OR4F6: variants seen among roughly 807,000 people sequenced by gnomAD.
The protein encoded by OR4F6 is olfactory receptor family 4 subfamily F member 6, also known as olfactory receptor 4F6.
A neutral mutation model predicts 15.9 loss-of-function variants in OR4F6; 13 were observed. The ratio of observed to expected loss-of-function variants is 0.82; its 90% confidence interval spans 0.53 to 1.30. The LOEUF is 1.30. OR4F6 is among the 50% of genes most tolerant of loss of function. The probability of loss-of-function intolerance (pLI) is 0.00; values close to 1 mark genes in which losing one functional copy is unlikely to be tolerated. For synonymous variants in OR4F6, 150 were observed against 133.8 expected, an observed-to-expected ratio of 1.12 and a Z score of -0.83; for missense variants, 426 against 367.2, an observed-to-expected ratio of 1.16 and a Z score of -1.31.
intron 1 of OR4F6, among the ~76,000 whole-genome samples, 181 bp from the exon 2 acceptor site, chr15:101,805,506 G>A (rs769476927): frequency 9.9e-5 from 15 of 152,078 alleles, no homozygotes; most frequent in South Asian, 2.1e-4. Flanking sequence ...TCTGTGCAAC[G>A]TATTTTCTGG....
chr15:101,806,462 T>C lies in OR4F6; in HGVS notation c.743T>C (p.Val248Ala). Residue 248 changes from valine to alanine, a missense_variant, in exon 2 of 2, where the codon GTT becomes GCT. Transcript: ENST00000328882. Reference protein sequence around the residue: ...SMLSAHVIVVVLVFGPLIFFY... With the variant: ...SMLSAHVIVVALVFGPLIFFY... ...CTGTCAGCTCATGTCATTGTGGTGG[T>C]TTTGGTCTTTGGGCCATTAATCTTT... 9 of 1,613,686 alleles carry C rather than the reference T, an allele frequency of 5.6e-6. No individual in the cohort carries two copies. Among genetic ancestry groups the C allele is most frequent in the Non-Finnish European group, 7.6e-6 (9 of 1,179,880 alleles).
intron 1 of OR4F6, among the ~76,000 whole-genome samples, chr15:101,805,302 G>C (rs150186519): frequency 3.9e-4 from 59 of 152,242 alleles, no homozygotes; most frequent in Non-Finnish European, 5.7e-4. Flanking sequence ...GTATCAAAGA[G>C]GACTTCATGG....
In OR4F6 at chr15:101,805,897, T is replaced by C. The variant is rs1345999155; in HGVS notation, c.178T>C (p.Tyr60His). The change falls in exon 2 of 2, where the codon TAC becomes CAC. Residue 60 changes from tyrosine to histidine, a missense_variant. By Grantham distance (83) the Tyr-to-His change is moderately conservative. Transcript: ENST00000328882. ...TSDPRLQSPM[Y>H]FLLANLSIIN... ...TGACCCTCGTTTACAGTCCCCCATG[T>C]ACTTCCTGCTGGCCAACCTTTCCAT... The C allele has an allele frequency of 4.3e-6, 7 of 1,614,178 alleles. No individual in the cohort carries two copies. The highest frequency in any genetic ancestry group is 3.3e-5 in the Admixed American group (2 of 60,018).
rs1184466605 is a variant in OR4F6, at chr15:101,806,742, G to C, written c.*84G>C. ...AAGTAAGCTATGTTAAATTTAACCA[G>C]AATATCACTTTCTACTAGTATGTAT... On this transcript the variant is annotated 3_prime_UTR_variant, in exon 2 of 2. Transcript: ENST00000328882. The C allele has an allele frequency of 4.1e-5, 32 of 780,274 alleles. No homozygotes were observed. Among genetic ancestry groups the C allele is most frequent in the Non-Finnish European group, 5.4e-5 (27 of 499,382 alleles). 48.3% of individuals were successfully genotyped at this position (780,274 alleles called of 1,614,324 possible). A position where few individuals can be genotyped will look rare whatever the true frequency, so the allele number is the denominator to read the frequency against.
At position 101,806,772 on chromosome 15, in the gene OR4F6, T is replaced by C. The variant is rs1902816961; in HGVS notation, c.*114T>C. On this transcript the variant is annotated 3_prime_UTR_variant, in exon 2 of 2. Coordinates refer to ENST00000328882, the MANE Select transcript of OR4F6 (RefSeq NM_001005326.2). ...TCACTTTCTACTAGTATGTATTGTGTTGTCTTTTTTTTCTTCCCAAATTGA... is the reference window on the plus strand; with the variant it reads ...TCACTTTCTACTAGTATGTATTGTGCTGTCTTTTTTTTCTTCCCAAATTGA... 1.7e-6 allele frequency: 1 copy of C among 591,384 alleles called. No homozygotes were observed. Among genetic ancestry groups the C allele is most frequent in the Non-Finnish European group, 2.8e-6 (1 of 357,300 alleles). 36.6% of individuals were successfully genotyped at this position (591,384 alleles called of 1,614,324 possible). A position where few individuals can be genotyped will look rare whatever the true frequency, so the allele number is the denominator to read the frequency against.
At position 101,806,792 on chromosome 15, in the gene OR4F6, A is replaced by G; in HGVS notation, c.*134A>G. On this transcript the variant is annotated 3_prime_UTR_variant, in exon 2 of 2. Coordinates refer to ENST00000328882, the MANE Select transcript of OR4F6 (RefSeq NM_001005326.2). Reference sequence around the variant, plus strand: ...TTGTGTTGTCTTTTTTTTCTTCCCAAATTGAATTGTGGTATCAATCTCTTG... The same window carrying G: ...TTGTGTTGTCTTTTTTTTCTTCCCAGATTGAATTGTGGTATCAATCTCTTG... 1 of 537,538 alleles carries G rather than the reference A, an allele frequency of 1.9e-6. No individual in the cohort carries two copies. The highest frequency in any genetic ancestry group is 3.2e-6 in the Non-Finnish European group (1 of 315,558). 33.3% of individuals were successfully genotyped at this position (537,538 alleles called of 1,614,324 possible). A position where few individuals can be genotyped will look rare whatever the true frequency, so the allele number is the denominator to read the frequency against.
chr15:101,806,516 A>G lies in OR4F6; in HGVS notation c.797A>G (p.His266Arg), dbSNP rs1221601363. The change falls in exon 2 of 2, where the codon CAT becomes CGT. Residue 266 changes from histidine to arginine, a missense_variant. Coordinates refer to ENST00000328882, the MANE Select transcript of OR4F6 (RefSeq NM_001005326.2). ...TATATTTTTCCATTTCCCACATCAC[A>G]TCTTGATAAATTCCTTGCCATCTTT... ...FFYIFPFPTS[H>R]LDKFLAIFDA... 8 of 1,613,892 alleles carry G rather than the reference A, an allele frequency of 5.0e-6. No individual in the cohort carries two copies. The highest frequency in any genetic ancestry group is 6.8e-6 in the Non-Finnish European group (8 of 1,179,984).
Position 101,806,619 on chromosome 15 carries a change from A to G in OR4F6, c.900A>G (p.Arg300=), listed in dbSNP as rs1902813823. 1 of 1,595,200 alleles carries G rather than the reference A, an allele frequency of 6.3e-7. No individual in the cohort carries two copies. The change falls in exon 2 of 2, where the codon AGA becomes AGG. Residue 300 remains arginine (R), a synonymous_variant. Transcript: ENST00000328882. ...AAGAGATGATGGTGGCAATGAGAAG[A>G]CGATGCTCTCAGTTTGTGAATTACA... The part of the protein sequence containing the change: ...RNKEMMVAMR[R]RCSQFVNYSK...
chr15:101,805,212 A>G (rs1048764634), intron 1 of OR4F6, among the ~76,000 whole-genome samples: 2 of 152,242 alleles, frequency 1.3e-5, no homozygotes, highest in African/African-American at 4.8e-5. Context: ...CACTATTAAC[A>G]CTATTAGTAT....
Position 101,806,620 on chromosome 15 carries a change from C to T in OR4F6, c.901C>T (p.Arg301Ter), listed in dbSNP as rs763454091. ...AGAGATGATGGTGGCAATGAGAAGA[C>T]GATGCTCTCAGTTTGTGAATTACAG... Reference protein sequence around the residue: ...NKEMMVAMRRRCSQFVNYSKI... With the variant: ...NKEMMVAMRR The change falls in exon 2 of 2, where the codon CGA becomes TGA. Residue 301 changes from arginine to a stop codon, truncating the protein, a stop_gained. Transcript: ENST00000328882. LOFTEE classifies it high-confidence loss of function. 2.6e-5 allele frequency: 42 copies of T among 1,592,902 alleles called. No homozygotes were observed. The highest frequency in any genetic ancestry group is 1.8e-4 in the East Asian group (8 of 44,728).
In OR4F6 at chr15:101,806,642, A is replaced by T; in HGVS notation, c.923A>T (p.Tyr308Phe). The T allele has an allele frequency of 6.4e-7, 1 of 1,572,928 alleles. No homozygotes were observed. The highest frequency in any genetic ancestry group is 2.2e-5 in the East Asian group (1 of 44,492). The change falls in exon 2 of 2, where the codon TAC (tyrosine) becomes TTC (phenylalanine). Residue 308 changes from tyrosine to phenylalanine, a missense_variant. Tyr to Phe is a conservative substitution (Grantham distance 22). Transcript: ENST00000328882. ...AGACGATGCTCTCAGTTTGTGAATT[A>T]CAGTAAAATCTTTTAAATATATTGA... is the stretch of plus-strand genomic sequence containing the variant. ...MRRRCSQFVN[Y>F]SKIF
At position 101,806,231 on chromosome 15, in the gene OR4F6, C is replaced by T; in HGVS notation, c.512C>T (p.Pro171Leu). ...AFVVDLLFCG[P>L]NELDSFFCDL... is the part of the protein sequence containing the mutation. Reference sequence around the variant, plus strand: ...GTTGTAGACCTGCTGTTCTGTGGCCCTAATGAATTAGATAGTTTCTTTTGT... The same window carrying T: ...GTTGTAGACCTGCTGTTCTGTGGCCTTAATGAATTAGATAGTTTCTTTTGT... Residue 171 changes from proline to leucine, a missense_variant, in exon 2 of 2, where the codon CCT becomes CTT. Physicochemically the swap from Pro to Leu is moderately conservative, Grantham distance 98. Coordinates refer to ENST00000328882, the MANE Select transcript of OR4F6 (RefSeq NM_001005326.2). The T allele has an allele frequency of 6.2e-7, 1 of 1,614,080 alleles. No individual in the cohort carries two copies. Among genetic ancestry groups the T allele is most frequent in the Non-Finnish European group, 8.5e-7 (1 of 1,180,000 alleles).
chr15:101,806,038 G>T lies in OR4F6; in HGVS notation c.319G>T (p.Val107Phe). The change falls in exon 2 of 2, where the codon GTT (valine) becomes TTT (phenylalanine). Residue 107 changes from valine (V) to phenylalanine (F), a missense_variant. Coordinates refer to ENST00000328882, the MANE Select transcript of OR4F6 (RefSeq NM_001005326.2). ...AGTTCAGATCTTCTTTATCCATGCA[G>T]TTGGGGGAACTGAGATGGTGCTGCT... ...CVVQIFFIHAVGGTEMVLLIA... is the reference protein window; with the variant it reads ...CVVQIFFIHAFGGTEMVLLIA... 6.2e-7 allele frequency: 1 copy of T among 1,614,156 alleles called. No homozygotes were observed. Among genetic ancestry groups the T allele is most frequent in the East Asian group, 2.2e-5 (1 of 44,878 alleles).
chr15:101,806,091 G>A lies in OR4F6; in HGVS notation c.372G>A (p.Val124=), dbSNP rs1425249720. 1 of 1,613,988 alleles carries A rather than the reference G, an allele frequency of 6.2e-7. No homozygotes were observed. Among genetic ancestry groups the A allele is most frequent in the East Asian group, 2.2e-5 (1 of 44,892 alleles). Residue 124 remains valine, a synonymous_variant, in exon 2 of 2, where the codon GTG becomes GTA. Coordinates refer to ENST00000328882, the MANE Select transcript of OR4F6 (RefSeq NM_001005326.2). ...TAGCCATGGCTTTTGACCGATATGTGGCCATATGTAAGCCTCTCCACTACC... is the reference window on the plus strand; with the variant it reads ...TAGCCATGGCTTTTGACCGATATGTAGCCATATGTAAGCCTCTCCACTACC... ...LLIAMAFDRY[V]AICKPLHYLT... is the part of the protein sequence containing the mutation.
In OR4F6 at chr15:101,805,806, CT is replaced by C. The variant is rs1423263279; in HGVS notation, c.92del (p.Phe31SerfsTer9). On this transcript the variant is annotated frameshift_variant, in exon 2 of 2. Transcript: ENST00000328882. LOFTEE classifies it high-confidence loss of function. ...GGAAGATCCAGCTCCTCCTCTTCCT[CT>C]TTTTCTCAGTGTTCTATGTGTCAAG... ...SRKIQLLLFL[F>X]FSVFYVSSLM... is the part of the protein sequence containing the mutation. 1.9e-6 allele frequency: 3 copies of C among 1,614,022 alleles called. No individual in the cohort carries two copies. Among genetic ancestry groups the C allele is most frequent in the Non-Finnish European group, 2.5e-6 (3 of 1,180,016 alleles).
rs770975519 is a variant in OR4F6 at position 101,806,695 on chromosome 15, G to A, written c.*37G>A. 2 of 1,198,852 alleles carry A rather than the reference G, an allele frequency of 1.7e-6. No homozygotes were observed. Among genetic ancestry groups the A allele is most frequent in the South Asian group, 3.2e-5 (2 of 62,500 alleles). The allele number at this position is 1,198,852 out of a possible 1,614,324, so 74.3% of individuals were successfully genotyped here. On this transcript the variant is annotated 3_prime_UTR_variant, in exon 2 of 2. Transcript: ENST00000328882. ...ATATACAAAAAGGCAAATTATACTA[G>A]AATTTCAGACAGATATGTGTTAAGT...
At chr15:101,805,366 T>G (rs761650042) in intron 1 of OR4F6, among the ~76,000 whole-genome samples, 2 of 152,082 alleles carry the variant, frequency 1.3e-5, no homozygotes, top group Non-Finnish European at 1.5e-5. Context: ...ATTAGAGAGA[T>G]GTAATGATGA....
Position 101,805,890 on chromosome 15 carries a change from C to T in OR4F6, c.171C>T (p.Ser57=), listed in dbSNP as rs575697704. The change falls in exon 2 of 2, where the codon TCC becomes TCT. Residue 57 remains serine (S), a synonymous_variant. Coordinates refer to ENST00000328882, the MANE Select transcript of OR4F6 (RefSeq NM_001005326.2). ...TGACCTCTGACCCTCGTTTACAGTC[C>T]CCCATGTACTTCCTGCTGGCCAACC... ...LTVTSDPRLQ[S]PMYFLLANLS... 5.6e-6 allele frequency: 9 copies of T among 1,613,974 alleles called. No individual in the cohort carries two copies. The Admixed American group carries it at 1.0e-4, about 18-fold the overall frequency.
At chr15:101,805,174 A>G (rs1902775609) in intron 1 of OR4F6, among the ~76,000 whole-genome samples, 1 of 152,244 alleles carries the variant, frequency 6.6e-6, no homozygotes, top group African/African-American at 2.4e-5. Flanking sequence ...GAAATTCAAT[A>G]GTGTTCTTTG....
Sources: allele counts gnomAD v4.1 joint callset (sites outside exome capture counted in the v4.1 genomes callset), GRCh38; gene constraint gnomAD v4.1.1; transcripts MANE v1.5; gene names NCBI Gene and HGNC (gene_info 2026-07-23, HGNC 2026-07-21).